Variants in USP6NL observed in about 807,000 individuals in gnomAD.
USP6NL encodes USP6 N-terminal like, also known as USP6 N-terminal-like protein.
Under a neutral mutation model 61.9 loss-of-function variants are expected in USP6NL, and 26 were observed. The ratio of observed to expected loss-of-function variants is 0.42; its 90% confidence interval spans 0.31 to 0.58. The LOEUF (loss-of-function observed/expected upper bound fraction) is 0.58, where lower values mean the gene tolerates loss of function less well. Ranked by LOEUF, USP6NL falls within the 20% of genes least tolerant of loss-of-function variation. USP6NL has a pLI of 0.16. For synonymous variants in USP6NL, 432 were observed against 390.1 expected (o/e 1.11, Z -1.27); for missense variants, 1,114 against 1,034.3 (o/e 1.08, Z -1.06).
chr10:11,541,576 T>A (rs1163521313), intron 2 of USP6NL, among the ~76,000 whole-genome samples: 1 of 151,944 alleles, frequency 6.6e-6, no homozygotes, highest in Non-Finnish European at 1.5e-5. Flanking sequence ...AACAAGAGAA[T>A]CTGTCAACAA....
chr10:11,533,011 A>G (rs112390719), intron 2 of USP6NL, among the ~76,000 whole-genome samples: 3 of 152,282 alleles, frequency 2.0e-5, no homozygotes, highest in African/African-American at 7.2e-5. Flanking sequence ...AAAATCTACA[A>G]TTTGCAACCA....
Position 11,589,645 on chromosome 10 carries a change from G to A in USP6NL, c.4+7986C>T, listed in dbSNP as rs555957287. On this transcript the variant is annotated intron_variant, in intron 2 of 14. Coordinates refer to ENST00000609104, the MANE Select transcript of USP6NL (RefSeq NM_014688.5). The surrounding 1 kb of genome is among the most constrained non-coding windows in gnomAD (Gnocchi z 4.7). ...AAGAGATCAAACACAGTGCTTTACT[G>A]TAGTGTTCAAACCTTTACTAAGGCA... 2.0e-5 allele frequency among the ~76,000 whole-genome samples: 3 copies of A among 152,298 alleles called. No homozygotes were observed. In the South Asian group the frequency reaches 6.2e-4, roughly 32 times the overall value.
At chr10:11,497,460 A>G (rs1336209631) in intron 7 of USP6NL, among the ~76,000 whole-genome samples, 1 of 152,054 alleles carries the variant, frequency 6.6e-6, no homozygotes, top group Non-Finnish European at 1.5e-5. Context: ...ATGGGCAAGT[A>G]AAGAGGTTTC....
Position 11,591,923 on chromosome 10 carries a change from G to C in USP6NL, c.4+5708C>G, listed in dbSNP as rs1411218562. On this transcript the variant is annotated intron_variant, in intron 2 of 14. Transcript: ENST00000609104. This position sits in a 1 kb window ranked among gnomAD's most constrained non-coding sequence, Gnocchi z 4.7. ...CTCACTCTGTCGCCTGGGCTGGAGT[G>C]CAGTGGCTCAATCTCAGCTCACTGC... Among the ~76,000 whole-genome samples, 1 of 152,138 alleles carries C rather than the reference G, an allele frequency of 6.6e-6. No individual in the cohort carries two copies. The highest frequency in any genetic ancestry group is 1.5e-5 in the Non-Finnish European group (1 of 68,028).
Position 11,505,392 on chromosome 10 carries a change from A to G in USP6NL, c.277-4184T>C, listed in dbSNP as rs576927827. 1.1e-4 allele frequency among the ~76,000 whole-genome samples: 17 copies of G among 152,344 alleles called. No homozygotes were observed. The South Asian group carries it at 2.5e-3, about 22-fold the overall frequency. On this transcript the variant is annotated intron_variant, in intron 6 of 14. Transcript: ENST00000609104. ...TAAAAAGGTAGGTACTATTATTAAC[A>G]TATCCATTTCACAAATGAAAAAATT...
rs1439900210 is a variant in USP6NL at position 11,537,565 on chromosome 10, T to C, written c.5-9998A>G. Among the ~76,000 whole-genome samples, 2 of 152,256 alleles carry C rather than the reference T, an allele frequency of 1.3e-5. No homozygotes were observed. Among genetic ancestry groups the C allele is most frequent in the East Asian group, 3.8e-4 (2 of 5,208 alleles). On this transcript the variant is annotated intron_variant, in intron 2 of 14. Coordinates refer to ENST00000609104, the MANE Select transcript of USP6NL (RefSeq NM_014688.5). This position sits in a 1 kb window ranked among gnomAD's most constrained non-coding sequence, Gnocchi z 5.1. Reference sequence around the variant, plus strand: ...ATTTCTCGTATCACCAATAGCATTATTACCATTATTTCCACTGTATCATGC... The same window carrying C: ...ATTTCTCGTATCACCAATAGCATTACTACCATTATTTCCACTGTATCATGC...
chr10:11,528,608 C>T lies in USP6NL; in HGVS notation c.5-1041G>A, dbSNP rs934461462. Among the ~76,000 whole-genome samples the T allele has an allele frequency of 6.6e-6, 1 of 152,144 alleles. No individual in the cohort carries two copies. The highest frequency in any genetic ancestry group is 2.4e-5 in the African/African-American group (1 of 41,424). Reference sequence around the variant, plus strand: ...AAACAGCAAAGACAGTTTTCAAATCCAGACAGTCTTGACTCCACAGCCCAC... The same window carrying T: ...AAACAGCAAAGACAGTTTTCAAATCTAGACAGTCTTGACTCCACAGCCCAC... On this transcript the variant is annotated intron_variant, in intron 2 of 14. Transcript: ENST00000609104. The surrounding 1 kb of genome is among the most constrained non-coding windows in gnomAD (Gnocchi z 4.6).
rs755090366 is a variant in USP6NL at position 11,489,053 on chromosome 10, ACTT to A, written c.664+46_664+48del. 5.6e-6 allele frequency: 9 copies of A among 1,601,136 alleles called. No individual in the cohort carries two copies. Among genetic ancestry groups the A allele is most frequent in the Non-Finnish European group, 7.7e-6 (9 of 1,171,900 alleles). ...AGCATCTTTGGTTTTGTTTTAATCT[ACTT>A]TTTTCCCTACCTTGATTGTTTAGAT... On this transcript the variant is annotated intron_variant, in intron 10 of 14. Transcript: ENST00000609104. This position sits in a 1 kb window ranked among gnomAD's most constrained non-coding sequence, Gnocchi z 5.7.
chr10:11,532,413 G>C lies in USP6NL; in HGVS notation c.5-4846C>G. The C allele has an allele frequency of 1.9e-6, 1 of 529,472 alleles. No individual in the cohort carries two copies. The highest frequency in any genetic ancestry group is 3.2e-5 in the South Asian group (1 of 31,412). 32.8% of individuals were successfully genotyped at this position (529,472 alleles called of 1,614,324 possible). On this transcript the variant is annotated intron_variant, in intron 2 of 14. Transcript: ENST00000609104. The surrounding 1 kb of genome is among the most constrained non-coding windows in gnomAD (Gnocchi z 4.1). ...GAAGAAAAAGTTTGAGATGCACTCT[G>C]TCTTCTTCTAAGGGAGAAAAAAACC...
intron 14 of USP6NL, among the ~76,000 whole-genome samples, chr10:11,469,393 G>A (rs1247433207): frequency 1.3e-5 from 2 of 152,176 alleles, no homozygotes; most frequent in Non-Finnish European, 2.9e-5. Flanking sequence ...GAAACCTGAG[G>A]GTTATAAATA....
Position 11,525,475 on chromosome 10 carries a change from T to C in USP6NL, c.73-7A>G, listed in dbSNP as rs1352914491. On this transcript the variant is annotated splice_region_variant and splice_polypyrimidine_tract_variant and intron_variant, in intron 3 of 14. Transcript: ENST00000609104. This position sits in a 1 kb window ranked among gnomAD's most constrained non-coding sequence, Gnocchi z 5.0. The stretch of plus-strand genomic sequence containing the variant: ...TCTCTGCACCTTCTCGTCCCTAAAA[T>C]AAGGCACAAAAAAAGGTGTTAATCA... 1 of 1,565,766 alleles carries C rather than the reference T, an allele frequency of 6.4e-7. No individual in the cohort carries two copies. Among genetic ancestry groups the C allele is most frequent in the Non-Finnish European group, 8.6e-7 (1 of 1,165,416 alleles).
rs867205269 is a variant in USP6NL, at chr10:11,495,579, T to G, written c.385-2351A>C. Among the ~76,000 whole-genome samples, 1 of 152,202 alleles carries G rather than the reference T, an allele frequency of 6.6e-6. No individual in the cohort carries two copies. Among genetic ancestry groups the G allele is most frequent in the Admixed American group, 6.5e-5 (1 of 15,274 alleles). ...ACTGACATTCTGGGAATTTCTTCAATTGTCATTTTCAATTAAGTTTTTCAT... is the reference window on the plus strand; with the variant it reads ...ACTGACATTCTGGGAATTTCTTCAAGTGTCATTTTCAATTAAGTTTTTCAT... On this transcript the variant is annotated intron_variant, in intron 7 of 14. Transcript: ENST00000609104. The surrounding 1 kb of genome is among the most constrained non-coding windows in gnomAD (Gnocchi z 4.6).
rs146960552 is a variant in USP6NL, at chr10:11,575,798, C to T, written c.4+21833G>A. Among the ~76,000 whole-genome samples, 70 of 152,196 alleles carry T rather than the reference C, an allele frequency of 4.6e-4. No homozygotes were observed. The highest frequency in any genetic ancestry group is 1.6e-3 in the African/African-American group (68 of 41,526). On this transcript the variant is annotated intron_variant, in intron 2 of 14. Coordinates refer to ENST00000609104, the MANE Select transcript of USP6NL (RefSeq NM_014688.5). This position sits in a 1 kb window ranked among gnomAD's most constrained non-coding sequence, Gnocchi z 4.2. The stretch of plus-strand genomic sequence containing the variant: ...AACTGAGCTGAACTCTTTAAAATGC[C>T]AAAGTCATAGAAGACAAAGACAGAC...
intron 2 of USP6NL, among the ~76,000 whole-genome samples, chr10:11,593,844 C>G (rs1272843172): frequency 6.6e-6 from 1 of 152,212 alleles, no homozygotes; most frequent in East Asian, 1.9e-4. Context: ...AAGCTCTAAA[C>G]AGCTTCTTCA....
rs1834087374 is a variant in USP6NL, at chr10:11,499,605, A to G, written c.384+1496T>C. On this transcript the variant is annotated intron_variant, in intron 7 of 14. Transcript: ENST00000609104. The surrounding 1 kb of genome is among the most constrained non-coding windows in gnomAD (Gnocchi z 4.5). Reference sequence around the variant, plus strand: ...AACTATTGTCCCTATCAGGAAAGACAGACACACATTCACAGGAGGGAGGAT... The same window carrying G: ...AACTATTGTCCCTATCAGGAAAGACGGACACACATTCACAGGAGGGAGGAT... Among the ~76,000 whole-genome samples, 1 of 152,180 alleles carries G rather than the reference A, an allele frequency of 6.6e-6. No individual in the cohort carries two copies. The highest frequency in any genetic ancestry group is 6.5e-5 in the Admixed American group (1 of 15,280).
At chr10:11,486,061 AACTG>A in intron 10 of USP6NL, 150 bp from the exon 11 acceptor site, 1 of 545,370 alleles carries the variant, frequency 1.8e-6, no homozygotes. Context: ...CCTAGGAAAA[AACTG>A]TATATAAGCT....
In USP6NL at chr10:11,460,512, T is replaced by C. The variant is rs980419616; in HGVS notation, c.*1929A>G. 3.3e-5 allele frequency: 5 copies of C among 151,452 alleles called. No individual in the cohort carries two copies. The highest frequency in any genetic ancestry group is 4.4e-5 in the Non-Finnish European group (3 of 67,858). The allele number at this position is 151,452 out of a possible 1,614,324, so 9.4% of individuals were successfully genotyped here. A position where few individuals can be genotyped will look rare whatever the true frequency, so the allele number is the denominator to read the frequency against. ...AAATGCACATAAAAGACACAAAATA[T>C]ACTTATTACTTTTAGCATGTTAAAA... On this transcript the variant is annotated 3_prime_UTR_variant, in exon 15 of 15. Transcript: ENST00000609104.
chr10:11,584,819 T>G (rs1326020184), intron 2 of USP6NL, among the ~76,000 whole-genome samples: 1 of 151,966 alleles, frequency 6.6e-6, no homozygotes, highest in Admixed American at 6.6e-5. Flanking sequence ...ACACCTGTAG[T>G]CCCAGCTACA....
intron 2 of USP6NL, among the ~76,000 whole-genome samples, chr10:11,549,010 T>C (rs1250404165): frequency 6.6e-6 from 1 of 152,178 alleles, no homozygotes; most frequent in East Asian, 1.9e-4. Context: ...GTCCAATAGT[T>C]TCTAGTTACC....
Sources: gnomAD v4.1 joint callset for allele counts (sites outside exome capture counted in the v4.1 genomes callset) on GRCh38, gnomAD v4.1.1 for gene constraint, Gnocchi (gnomAD v3.1) non-coding constraint, MANE v1.5 for transcripts, NCBI Gene and HGNC (gene_info 2026-07-23, HGNC 2026-07-21) for gene names.